Variants in NCOA3 observed in about 807,000 individuals in gnomAD.
The protein encoded by NCOA3 is CBP-interacting protein.
NCOA3 carries 51 observed loss-of-function variants against 158.8 expected under a neutral mutation model. That is an observed-to-expected ratio of 0.32 (90% CI 0.26 to 0.41). The LOEUF (loss-of-function observed/expected upper bound fraction) is 0.41, where lower values mean the gene tolerates loss of function less well. NCOA3 is among the 10% of genes least tolerant of loss of function. The pLI, the probability that NCOA3 is intolerant of heterozygous loss-of-function variation, is 1.00. For missense variants in NCOA3, 1,510 were observed against 1,746.6 expected (o/e 0.86, Z 2.41); for synonymous variants, 537 against 592.4 (o/e 0.91, Z 1.36).
At chr20:47,539,662 C>T (rs765461388) in intron 1 of NCOA3, among the ~76,000 whole-genome samples, 5 of 152,144 alleles carry the variant, frequency 3.3e-5, no homozygotes, top group Non-Finnish European at 5.9e-5. Flanking sequence ...GTTGAGGATG[C>T]TGCTAGCTAT....
At chr20:47,540,085 T>C (rs916135372) in intron 1 of NCOA3, among the ~76,000 whole-genome samples, 8 of 152,178 alleles carry the variant, frequency 5.3e-5, no homozygotes, top group Non-Finnish European at 7.4e-5. Context: ...AGGATCCAGA[T>C]TGAGGTCTCT....
chr20:47,620,211 A>T (rs1478156027), intron 2 of NCOA3, among the ~76,000 whole-genome samples: 1 of 152,152 alleles, frequency 6.6e-6, no homozygotes, highest in East Asian at 1.9e-4. Flanking sequence ...CTCCTCAAAC[A>T]AGCAGTCTTC....
intron 1 of NCOA3, among the ~76,000 whole-genome samples, chr20:47,543,965 A>G (rs955769157): frequency 1.3e-5 from 2 of 152,156 alleles, no homozygotes; most frequent in Non-Finnish European, 2.9e-5. Flanking sequence ...TTTTTTCTCA[A>G]AGTTTAAAAA....
intron 18 of NCOA3, among the ~76,000 whole-genome samples, chr20:47,647,846 G>T (rs1461311423): frequency 4.8e-5 from 7 of 146,070 alleles, no homozygotes; most frequent in African/African-American, 1.8e-4. Flanking sequence ...TGTTTTTATT[G>T]TTTATGTCTT....
Position 47,588,472 on chromosome 20 carries a change from A to G in NCOA3, c.-20+5211A>G, listed in dbSNP as rs574655827. Among the ~76,000 whole-genome samples, 13 of 152,186 alleles carry G rather than the reference A, an allele frequency of 8.5e-5. No homozygotes were observed. In the South Asian group the frequency reaches 2.7e-3, roughly 32 times the overall value. On this transcript the variant is annotated intron_variant, in intron 2 of 22. Coordinates refer to ENST00000371998, the MANE Select transcript of NCOA3 (RefSeq NM_181659.3). ...TTACTTCCCACCTTACTTTCTGTAT[A>G]AACTAGTTAGGGTATTCATTTGAAA...
At chr20:47,568,379 G>T (rs2146196105) in intron 1 of NCOA3, among the ~76,000 whole-genome samples, 1 of 152,246 alleles carries the variant, frequency 6.6e-6, no homozygotes, top group South Asian at 2.1e-4. Flanking sequence ...GTGATAAAAT[G>T]AATATTGTGA....
chr20:47,566,036 C>T (rs775772703), intron 1 of NCOA3, among the ~76,000 whole-genome samples: 5 of 152,038 alleles, frequency 3.3e-5, no homozygotes, highest in African/African-American at 2.4e-5. Flanking sequence ...TGCAGTCGCA[C>T]GATCTTGGCT....
At chr20:47,610,533 A>G (rs917938943) in intron 2 of NCOA3, among the ~76,000 whole-genome samples, 1 of 152,158 alleles carries the variant, frequency 6.6e-6, no homozygotes, top group Non-Finnish European at 1.5e-5. Context: ...AAACATTTTT[A>G]AAAAAGGATT....
rs181161027 is a variant in NCOA3, at chr20:47,608,752, G to A, written c.-19-13477G>A. Reference sequence around the variant, plus strand: ...TATTACAGGTTTCCAGTTTTTAAGAGGTAAAGGAATCCTGAGATCAAAAGG... The same window carrying A: ...TATTACAGGTTTCCAGTTTTTAAGAAGTAAAGGAATCCTGAGATCAAAAGG... On this transcript the variant is annotated intron_variant, in intron 2 of 22. Transcript: ENST00000371998. Among the ~76,000 whole-genome samples, 25 of 152,186 alleles carry A rather than the reference G, an allele frequency of 1.6e-4. No homozygotes were observed. In the Middle Eastern group the frequency reaches 0.01, roughly 62 times the overall value.
chr20:47,602,392 T>G (rs2085878764), intron 2 of NCOA3, among the ~76,000 whole-genome samples: 1 of 152,258 alleles, frequency 6.6e-6, no homozygotes, highest in African/African-American at 2.4e-5. Context: ...ATTGTTAGTC[T>G]GAGTTCTTAG....
At chr20:47,556,493 T>C (rs1186580439) in intron 1 of NCOA3, among the ~76,000 whole-genome samples, 1 of 152,200 alleles carries the variant, frequency 6.6e-6, no homozygotes, top group African/African-American at 2.4e-5. Flanking sequence ...GAAGGGTTAA[T>C]GTGCAAAATA....
At chr20:47,619,734 A>G (rs1287432675) in intron 2 of NCOA3, among the ~76,000 whole-genome samples, 1 of 152,138 alleles carries the variant, frequency 6.6e-6, no homozygotes, top group African/African-American at 2.4e-5. Context: ...ATATAAAACC[A>G]ATTATAGAGA....
intron 1 of NCOA3, among the ~76,000 whole-genome samples, chr20:47,546,300 A>G (rs1276264143): frequency 6.6e-6 from 1 of 152,154 alleles, no homozygotes; most frequent in African/African-American, 2.4e-5. Context: ...AATTCCATTG[A>G]ACCAACATTT....
At chr20:47,563,901 A>AG (rs982725960) in intron 1 of NCOA3, among the ~76,000 whole-genome samples, 2 of 150,286 alleles carry the variant, frequency 1.3e-5, no homozygotes, top group African/African-American at 4.9e-5. Context: ...AAAAAAAAAA[A>AG]AAAGAAAGAA....
At chr20:47,549,410 T>G (rs140194728) in intron 1 of NCOA3, among the ~76,000 whole-genome samples, 140 of 151,484 alleles carry the variant, frequency 9.2e-4, no homozygotes, top group African/African-American at 3.2e-3. Flanking sequence ...AAAAAAAATT[T>G]ATCTGGGCAC....
chr20:47,569,680 C>T (rs1232572658), intron 1 of NCOA3, among the ~76,000 whole-genome samples: 1 of 151,490 alleles, frequency 6.6e-6, no homozygotes, highest in Non-Finnish European at 1.5e-5. Context: ...GACCCTGTCT[C>T]AACAACAGCA....
chr20:47,653,333 G>A (rs1156805438), intron 22 of NCOA3, 73 bp from the exon 23 acceptor site: 18 of 1,534,974 alleles, frequency 1.2e-5, no homozygotes, highest in Non-Finnish European at 1.6e-5. Context: ...GTGGACATGG[G>A]TATTTTTTTG....
chr20:47,588,275 C>T (rs982113050), intron 2 of NCOA3, among the ~76,000 whole-genome samples: 3 of 151,224 alleles, frequency 2.0e-5, no homozygotes, highest in South Asian at 2.1e-4. Context: ...GCTGCAACTA[C>T]AGGTGCGTGC....
intron 2 of NCOA3, 118 bp downstream of exon 2, chr20:47,583,379 C>T: frequency 2.6e-6 from 1 of 390,270 alleles, no homozygotes; most frequent in Non-Finnish European, 4.5e-6. Context: ...TCATGTTTTT[C>T]TCTTTAATGA....
Sources: gnomAD v4.1 joint callset for allele counts (sites outside exome capture counted in the v4.1 genomes callset) on GRCh38, gnomAD v4.1.1 for gene constraint, MANE v1.5 for transcripts, NCBI Gene and HGNC (gene_info 2026-07-23, HGNC 2026-07-21) for gene names.